The following PIK3CB variants were observed in gnomAD, a reference collection of about 807,000 sequenced individuals.
PIK3CB encodes phosphatidylinositol 4,5-bisphosphate 3-kinase catalytic subunit beta isoform.
Under a neutral mutation model 136.8 loss-of-function variants are expected in PIK3CB, and 39 were observed. The ratio of observed to expected loss-of-function variants is 0.29; its 90% confidence interval spans 0.22 to 0.37. PIK3CB has a LOEUF of 0.37. Ranked by LOEUF, PIK3CB falls within the 10% of genes least tolerant of loss-of-function variation. PIK3CB has a pLI of 1.00. For synonymous variants in PIK3CB, 428 were observed against 436.6 expected, an observed-to-expected ratio of 0.98 and a Z score of 0.25; for missense variants, 868 against 1,275.4, an observed-to-expected ratio of 0.68 and a Z score of 4.87.
At chr3:138,794,747 T>C (rs1323622504) in intron 2 of PIK3CB, among the ~76,000 whole-genome samples, 3 of 152,192 alleles carry the variant, frequency 2.0e-5, no homozygotes, top group Admixed American at 6.5e-5. Context: ...ACAATAAATA[T>C]ATAGTCATCT....
chr3:138,746,629 C>A (rs2108683798), intron 4 of PIK3CB, among the ~76,000 whole-genome samples: 1 of 151,726 alleles, frequency 6.6e-6, no homozygotes, highest in Non-Finnish European at 1.5e-5. Flanking sequence ...CCACTGCACT[C>A]CAGCCTGGGT....
At position 138,709,353 on chromosome 3, in the gene PIK3CB, G is replaced by A. The variant is rs75066283; in HGVS notation, c.1400-2064C>T. Among the ~76,000 whole-genome samples the A allele has an allele frequency of 5.9e-5, 9 of 151,352 alleles. No individual in the cohort carries two copies. The East Asian group carries it at 1.8e-3, about 29-fold the overall frequency. On this transcript the variant is annotated intron_variant, in intron 10 of 23. Transcript: ENST00000674063. Reference sequence around the variant, plus strand: ...GAAAAACAGTTCTCTACATAGATACGTAGAGAAGATATGGTGATATGTAGA... The same window carrying A: ...GAAAAACAGTTCTCTACATAGATACATAGAGAAGATATGGTGATATGTAGA...
chr3:138,667,705 G>T (rs1241042811), intron 19 of PIK3CB, among the ~76,000 whole-genome samples: 1 of 150,888 alleles, frequency 6.6e-6, no homozygotes, highest in African/African-American at 2.4e-5. Flanking sequence ...GGGACTACAG[G>T]CGCCTGCCAC....
intron 16 of PIK3CB, among the ~76,000 whole-genome samples, chr3:138,686,911 C>T (rs2043906192): frequency 6.6e-6 from 1 of 152,138 alleles, no homozygotes; most frequent in Non-Finnish European, 1.5e-5. Flanking sequence ...AACCACAGAT[C>T]ACTCTACTTC....
chr3:138,813,197 A>G (rs1420558306), intron 1 of PIK3CB, among the ~76,000 whole-genome samples: 1 of 152,072 alleles, frequency 6.6e-6, no homozygotes, highest in Admixed American at 6.6e-5. Context: ...TACCAGTGCT[A>G]TTTAGGACCA....
At chr3:138,819,989 C>T (rs553736148) in intron 1 of PIK3CB, among the ~76,000 whole-genome samples, 1 of 152,150 alleles carries the variant, frequency 6.6e-6, no homozygotes, top group South Asian at 2.1e-4. Context: ...ATCAATCAAT[C>T]AATAAAGCCT....
At chr3:138,686,186 C>T (rs1378453424) in intron 16 of PIK3CB, among the ~76,000 whole-genome samples, 1 of 151,684 alleles carries the variant, frequency 6.6e-6, no homozygotes, top group Non-Finnish European at 1.5e-5. Context: ...TGCCTGTAAT[C>T]CCAGTATTTT....
chr3:138,832,261 C>T (rs1576439846), intron 1 of PIK3CB, among the ~76,000 whole-genome samples: 1 of 152,086 alleles, frequency 6.6e-6, no homozygotes, highest in Non-Finnish European at 1.5e-5. Context: ...AAATCAAAAC[C>T]CGACTTGATT....
intron 10 of PIK3CB, among the ~76,000 whole-genome samples, chr3:138,711,952 A>T (rs1050940838): frequency 3.3e-5 from 5 of 151,200 alleles, no homozygotes; most frequent in Non-Finnish European, 5.9e-5. Context: ...TCGACAAAAT[A>T]AAAAAAAATA....
rs2045130990 is a variant in PIK3CB, at chr3:138,737,373, C to T, written c.801+334G>A. ...GCATGCCACTGCACTCCAGCCTAGG[C>T]GACAGAGCAACACTCTGTCTCAAAA... On this transcript the variant is annotated intron_variant, in intron 6 of 23. Transcript: ENST00000674063. 3.6e-5 allele frequency among the ~76,000 whole-genome samples: 4 copies of T among 111,222 alleles called. 1 individual carries two copies. Among genetic ancestry groups the T allele is most frequent in the African/African-American group, 1.0e-4 (3 of 28,586 alleles). 73.0% of individuals were successfully genotyped at this position (111,222 alleles called of 152,430 possible). A position where few individuals can be genotyped will look rare whatever the true frequency, so the allele number is the denominator to read the frequency against.
chr3:138,804,815 G>A (rs2046213355), intron 1 of PIK3CB, among the ~76,000 whole-genome samples: 1 of 152,040 alleles, frequency 6.6e-6, no homozygotes, highest in African/African-American at 2.4e-5. Flanking sequence ...ACGAGGTCAG[G>A]AGATCAAGAC....
chr3:138,825,396 T>C (rs1347592008), intron 1 of PIK3CB: 14 of 637,008 alleles, frequency 2.2e-5, no homozygotes, highest in Non-Finnish European at 3.4e-5. Flanking sequence ...AACTAATTGG[T>C]GTTAACAAAA....
chr3:138,691,227 CTTG>C, intron 14 of PIK3CB, 84 bp from the exon 15 acceptor site: 1 of 1,240,966 alleles, frequency 8.1e-7, no homozygotes, highest in Non-Finnish European at 1.1e-6. Context: ...CAAATGTGAA[CTTG>C]TTGAAACACA....
intron 8 of PIK3CB, among the ~76,000 whole-genome samples, chr3:138,720,075 C>T (rs1007551676): frequency 2.0e-5 from 3 of 152,154 alleles, no homozygotes; most frequent in African/African-American, 4.8e-5. Flanking sequence ...GATGTGAAGA[C>T]GACTAAGTGA....
At chr3:138,728,672 C>G (rs2108625962) in intron 8 of PIK3CB, among the ~76,000 whole-genome samples, 1 of 151,540 alleles carries the variant, frequency 6.6e-6, no homozygotes, top group South Asian at 2.1e-4. Context: ...CCCAGCTACT[C>G]AGGAGGCTGA....
intron 2 of PIK3CB, chr3:138,777,953 G>A (rs758952178): frequency 2.5e-5 from 9 of 360,780 alleles, no homozygotes; most frequent in Non-Finnish European, 3.8e-5. Context: ...CAACTACACG[G>A]TCTATATGTT....
rs190511527 is a variant in PIK3CB, at chr3:138,713,776, T to A, written c.1302+692A>T. Among the ~76,000 whole-genome samples the A allele has an allele frequency of 2.0e-5, 3 of 152,188 alleles. No individual in the cohort carries two copies. In the East Asian group the frequency reaches 5.8e-4, roughly 29 times the overall value. On this transcript the variant is annotated intron_variant, in intron 9 of 23. Coordinates refer to ENST00000674063, the MANE Select transcript of PIK3CB (RefSeq NM_006219.3). ...TGTCCCTATCCCCACCAAAAAGCTT[T>A]CAAAAAGCAAGAAGAAAGTGAAACA...
chr3:138,831,002 G>A lies in PIK3CB; in HGVS notation c.-122+3693C>T, dbSNP rs190882321. Among the ~76,000 whole-genome samples the A allele has an allele frequency of 3.2e-3, 473 of 147,814 alleles. 2 individuals are homozygous for A. The highest frequency in any genetic ancestry group is 4.7e-3 in the Admixed American group (69 of 14,746). ...TAAGTATTTTATTTATTTATTGGGG[G>A]CAAGGCGCGGTGGCTCCCGCCTGGA... On this transcript the variant is annotated intron_variant, in intron 1 of 23. Coordinates refer to ENST00000674063, the MANE Select transcript of PIK3CB (RefSeq NM_006219.3).
intron 15 of PIK3CB, 116 bp from the exon 16 acceptor site, chr3:138,689,090 T>A (rs970391663): frequency 3.1e-6 from 2 of 648,092 alleles, no homozygotes; most frequent in African/African-American, 3.6e-5. Context: ...GGTCATTGTG[T>A]GCATTATTAT....
Sources: gnomAD v4.1 joint callset for allele counts (sites outside exome capture counted in the v4.1 genomes callset) on GRCh38, gnomAD v4.1.1 for gene constraint, MANE v1.5 for transcripts, NCBI Gene and HGNC (gene_info 2026-07-23, HGNC 2026-07-21) for gene names.